Variants in IL34 observed in about 807,000 individuals in gnomAD.
IL34 encodes the protein interleukin-34.
A neutral mutation model predicts 25.3 loss-of-function variants in IL34; 17 were observed. That is an observed-to-expected ratio of 0.67 (90% CI 0.46 to 1.01). IL34 has a LOEUF of 1.01. Among genes scored for constraint, IL34 ranks in the 50% least tolerant of loss-of-function variants. The pLI is 0.00. For synonymous variants in IL34, 174 were observed against 140.9 expected, an observed-to-expected ratio of 1.23 and a Z score of -1.66; for missense variants, 368 against 312.9, an observed-to-expected ratio of 1.18 and a Z score of -1.33.
At chr16:70,641,287 A>T (rs776460423) in intron 1 of IL34, among the ~76,000 whole-genome samples, 10 of 152,122 alleles carry the variant, frequency 6.6e-5, no homozygotes, top group Non-Finnish European at 1.3e-4. Context: ...CAACAACAAG[A>T]AAATGTTATG....
intron 1 of IL34, among the ~76,000 whole-genome samples, chr16:70,625,932 T>G (rs2051383432): frequency 6.6e-6 from 1 of 152,208 alleles, no homozygotes; most frequent in African/African-American, 2.4e-5. Flanking sequence ...GGTAGGTGGA[T>G]CTTTCTCACA....
chr16:70,628,195 A>C (rs993973897), intron 1 of IL34, among the ~76,000 whole-genome samples: 3 of 152,172 alleles, frequency 2.0e-5, no homozygotes, highest in Non-Finnish European at 2.9e-5. Flanking sequence ...TTTATTGGCC[A>C]TTTAAATATA....
chr16:70,586,672 A>G (rs2151803853), intron 1 of IL34, among the ~76,000 whole-genome samples: 1 of 152,206 alleles, frequency 6.6e-6, no homozygotes, highest in East Asian at 1.9e-4. Flanking sequence ...TGGGGTAGAG[A>G]GAAATGGCAG....
chr16:70,595,801 C>A (rs2050813821), intron 1 of IL34, among the ~76,000 whole-genome samples: 1 of 151,626 alleles, frequency 6.6e-6, no homozygotes, highest in East Asian at 1.9e-4. Flanking sequence ...TACTTGAGGT[C>A]AAGAGTTCGA....
At chr16:70,658,702 C>A (rs1406030009) in intron 4 of IL34, among the ~76,000 whole-genome samples, 1 of 152,102 alleles carries the variant, frequency 6.6e-6, no homozygotes, top group African/African-American at 2.4e-5. Context: ...AACTCCTGGC[C>A]TCAAGTGATA....
At position 70,660,106 on chromosome 16, in the gene IL34, C is replaced by T. The variant is rs763570329; in HGVS notation, c.648C>T (p.Pro216=). Residue 216 remains proline, a synonymous_variant, in exon 6 of 6, where the codon CCC becomes CCT. Coordinates refer to ENST00000288098, the MANE Select transcript of IL34 (RefSeq NM_001393494.1). ...QYAATQLYPP[P]PWSPSSPPHS... is the part of the protein sequence containing the mutation. ...CGGCCACCCAGCTGTACCCTCCGCC[C>T]CCGTGGTCCCCCAGCTCCCCGCCTC... 2 of 1,613,480 alleles carry T rather than the reference C, an allele frequency of 1.2e-6. No homozygotes were observed. Among genetic ancestry groups the T allele is most frequent in the Non-Finnish European group, 1.7e-6 (2 of 1,179,832 alleles).
chr16:70,655,075 A>T (rs2052181024), intron 2 of IL34, among the ~76,000 whole-genome samples: 1 of 149,298 alleles, frequency 6.7e-6, no homozygotes, highest in Non-Finnish European at 1.5e-5. Flanking sequence ...TTTTTTTGAG[A>T]CGGAGTCTTG....
rs1333414295 is a variant in IL34, at chr16:70,656,622, C to CT, written c.184dup (p.Tyr62LeufsTer42). 7.0e-7 allele frequency: 1 copy of CT among 1,419,322 alleles called. No homozygotes were observed. The highest frequency in any genetic ancestry group is 1.0e-6 in the Non-Finnish European group (1 of 1,002,034). 87.9% of individuals were successfully genotyped at this position (1,419,322 alleles called of 1,614,324 possible). On this transcript the variant is annotated frameshift_variant, in exon 3 of 6. Coordinates refer to ENST00000288098, the MANE Select transcript of IL34 (RefSeq NM_001393494.1). LOFTEE classifies it high-confidence loss of function. ...TCCAGAAACACTACTTCCCCATCAA[C>CT]TACAAGATCAGTGTGCCTTACGAGG...
At chr16:70,656,708 C>T (rs755792565) in intron 3 of IL34, 29 bp downstream of exon 3, 1 of 1,104,662 alleles carries the variant, frequency 9.1e-7, no homozygotes, top group Non-Finnish European at 1.4e-6. Flanking sequence ...GCTGGGGGGA[C>T]CCTGCCTCCT....
chr16:70,654,792 G>A, intron 2 of IL34, 121 bp downstream of exon 2: 1 of 1,280,584 alleles, frequency 7.8e-7, no homozygotes, highest in East Asian at 2.4e-5. Flanking sequence ...ACCATGGCCT[G>A]TTTCTCTGCC....
intron 1 of IL34, among the ~76,000 whole-genome samples, chr16:70,632,122 GAAGAT>G (rs2051533715): frequency 4.0e-5 from 6 of 148,646 alleles, no homozygotes; most frequent in Admixed American, 3.3e-4. Context: ...AAAAAAAAGA[GAAGAT>G]AATAGTTCCC....
In IL34 at chr16:70,654,676, C is replaced by A. The variant is rs2052168643; in HGVS notation, c.162+5C>A. 6.3e-7 allele frequency: 1 copy of A among 1,598,552 alleles called. No individual in the cohort carries two copies. The highest frequency in any genetic ancestry group is 8.6e-7 in the Non-Finnish European group (1 of 1,168,228). On this transcript the variant is annotated splice_donor_5th_base_variant and intron_variant, in intron 2 of 5. Transcript: ENST00000288098. ...AGGAGCCGACTTCAGTACATGGTAA[C>A]CACGTGGGCACCAGCTGTGTCCCTG...
intron 4 of IL34, among the ~76,000 whole-genome samples, chr16:70,658,702 C>G (rs1406030009): frequency 2.0e-5 from 3 of 152,102 alleles, no homozygotes; most frequent in African/African-American, 7.2e-5. Flanking sequence ...AACTCCTGGC[C>G]TCAAGTGATA....
At chr16:70,647,767 A>T (rs2051976490) in intron 1 of IL34, among the ~76,000 whole-genome samples, 1 of 152,226 alleles carries the variant, frequency 6.6e-6, no homozygotes, top group South Asian at 2.1e-4. Context: ...AGGGATTGAA[A>T]GAAGAGTTGG....
chr16:70,588,382 TACTC>T (rs1444648989), intron 1 of IL34, among the ~76,000 whole-genome samples: 3 of 151,948 alleles, frequency 2.0e-5, no homozygotes, highest in Non-Finnish European at 2.9e-5. Flanking sequence ...TAATCCCAGT[TACTC>T]GGGAGGCTGA....
chr16:70,659,553 C>A, intron 4 of IL34, 65 bp from the exon 5 acceptor site: 1 of 1,539,198 alleles, frequency 6.5e-7, no homozygotes, highest in Non-Finnish European at 8.8e-7. Flanking sequence ...ACTGGACAGC[C>A]CTCACGGCTC....
intron 1 of IL34, among the ~76,000 whole-genome samples, chr16:70,590,288 G>T (rs2050737714): frequency 6.6e-6 from 1 of 152,216 alleles, no homozygotes; most frequent in Non-Finnish European, 1.5e-5. Context: ...CCACTAAGGG[G>T]CAGTTGTAGG....
chr16:70,585,399 T>A (rs947985729), intron 1 of IL34, among the ~76,000 whole-genome samples: 11 of 152,040 alleles, frequency 7.2e-5, no homozygotes, highest in African/African-American at 1.9e-4. Context: ...AATTAAAAAA[T>A]AATTTTTTTG....
At chr16:70,632,838 C>T (rs1201456396) in intron 1 of IL34, among the ~76,000 whole-genome samples, 1 of 152,078 alleles carries the variant, frequency 6.6e-6, no homozygotes, top group African/African-American at 2.4e-5. Context: ...GGGGTTTTGT[C>T]TTATTTGATG....
Sources: gnomAD v4.1 joint callset for allele counts (sites outside exome capture counted in the v4.1 genomes callset) on GRCh38, gnomAD v4.1.1 for gene constraint, MANE v1.5 for transcripts, NCBI Gene and HGNC (gene_info 2026-07-23, HGNC 2026-07-21) for gene names.